The following MFN2 variants were observed in gnomAD, a reference collection of about 807,000 sequenced individuals.
The protein encoded by MFN2 is mitofusin-2.
Under a neutral mutation model 87.5 loss-of-function variants are expected in MFN2, and 43 were observed. The ratio of observed to expected loss-of-function variants is 0.49; its 90% CI spans 0.38 to 0.63. MFN2 has a LOEUF of 0.63. Ranked by LOEUF, MFN2 falls within the 30% of genes least tolerant of loss-of-function variation. The probability of loss-of-function intolerance (pLI) is 0.00; values close to 1 mark genes in which losing one functional copy is unlikely to be tolerated. For missense variants in MFN2, 743 were observed against 972.8 expected (o/e 0.76, Z 3.14); for synonymous variants, 337 against 359.9 (o/e 0.94, Z 0.72).
intron 1 of MFN2, chr1:11,981,755 G>C (rs907201300): frequency 6.6e-6 from 1 of 152,318 alleles, no homozygotes; most frequent in African/African-American, 2.4e-5. Context: ...CGCACATGGC[G>C]GAATACGTGT....
intron 17 of MFN2, among the ~76,000 whole-genome samples, chr1:12,008,879 C>G (rs1238099096): frequency 6.6e-6 from 1 of 152,300 alleles, no homozygotes; most frequent in East Asian, 1.9e-4. Flanking sequence ...GAGGTTGTAG[C>G]GAGCTGAGAT....
rs150488282 is a variant in MFN2, at chr1:12,006,021, C to CCT, written c.1716+91_1716+92dup. Reference sequence around the variant, plus strand: ...GGGAACCATTCTAAAACGGGGGTTCCCTAAGGTCAGCAGCTGTGGTGGTGT... The same window carrying CCT: ...GGGAACCATTCTAAAACGGGGGTTCCCTCTAAGGTCAGCAGCTGTGGTGGTGT... On this transcript the variant is annotated intron_variant, in intron 15 of 18. Coordinates refer to ENST00000235329, the MANE Select transcript of MFN2 (RefSeq NM_014874.4). 9.1e-3 allele frequency: 11,720 copies of CCT among 1,290,612 alleles called. 729 individuals are homozygous for CCT. In the African/African-American group the frequency reaches 0.15, roughly 16 times the overall value. The allele number at this position is 1,290,612 out of a possible 1,614,324, so 79.9% of individuals were successfully genotyped here.
At chr1:12,001,684 T>C in intron 9 of MFN2, 85 bp from the exon 10 acceptor site, 1 of 1,597,892 alleles carries the variant, frequency 6.3e-7, no homozygotes, top group Non-Finnish European at 8.6e-7. Context: ...TCTTGCTCTT[T>C]AGCCAGTGGC....
intron 18 of MFN2, among the ~76,000 whole-genome samples, chr1:12,010,505 C>T (rs556577095): frequency 1.3e-5 from 2 of 152,258 alleles, no homozygotes; most frequent in South Asian, 4.2e-4. Context: ...CTCTTTGGAC[C>T]CATGAAGAGG....
chr1:11,987,560 G>C lies in MFN2; in HGVS notation c.-4-1605G>C, dbSNP rs140837499. Among the ~76,000 whole-genome samples the C allele has an allele frequency of 2.4e-3, 369 of 151,320 alleles. 8 individuals carry two copies. The East Asian group carries it at 0.042, about 17-fold the overall frequency. ...CAGGAGAATAGCTTGAACTCGGGAG[G>C]TGGTGGTTGCAGTGAGCCGAGATCA... On this transcript the variant is annotated intron_variant, in intron 2 of 18. Transcript: ENST00000235329.
At chr1:12,006,940 G>A in intron 16 of MFN2, 113 bp from the exon 17 acceptor site, 2 of 1,413,070 alleles carry the variant, frequency 1.4e-6, no homozygotes, top group Non-Finnish European at 2.0e-6. Context: ...ACTCAGAGTA[G>A]AAACATGAAG....
At chr1:11,996,634 A>G (rs777174919) in intron 5 of MFN2, among the ~76,000 whole-genome samples, 4 of 152,138 alleles carry the variant, frequency 2.6e-5, no homozygotes, top group African/African-American at 7.2e-5. Flanking sequence ...CCAGAGAGGA[A>G]TTCCTGCATT....
rs1639347447 is a variant in MFN2, at chr1:12,004,991, C to T, written c.1495+64C>T. ...GCTGCCCAAAGATCAGATGCGGAGG[C>T]CAAGCTAAAGAAATCAGGACTTTCC... On this transcript the variant is annotated intron_variant, in intron 14 of 18. Coordinates refer to ENST00000235329, the MANE Select transcript of MFN2 (RefSeq NM_014874.4). This position sits in a 1 kb window ranked among gnomAD's most constrained non-coding sequence, Gnocchi z 4.2. The T allele has an allele frequency of 7.7e-7, 1 of 1,304,598 alleles. No individual in the cohort carries two copies. The highest frequency in any genetic ancestry group is 1.1e-6 in the Non-Finnish European group (1 of 919,446). The allele number at this position is 1,304,598 out of a possible 1,614,324, so 80.8% of individuals were successfully genotyped here. A position where few individuals can be genotyped will look rare whatever the true frequency, so the allele number is the denominator to read the frequency against.
intron 5 of MFN2, among the ~76,000 whole-genome samples, chr1:11,996,747 G>A (rs1638924169): frequency 6.6e-6 from 1 of 152,156 alleles, no homozygotes. Flanking sequence ...GCTTCATAAA[G>A]AATCAATTGG....
intron 3 of MFN2, among the ~76,000 whole-genome samples, chr1:11,992,086 A>G (rs540911788): frequency 8.5e-5 from 13 of 152,282 alleles, no homozygotes; most frequent in Non-Finnish European, 1.6e-4. Flanking sequence ...TTGAAAAGTG[A>G]AAGGAACAGT....
Position 11,992,565 on chromosome 1 carries a change from G to A in MFN2, c.186G>A (p.Arg62=). The change falls in exon 4 of 19, where the codon AGG becomes AGA. Residue 62 remains arginine, a synonymous_variant. Transcript: ENST00000235329. ...ESATFLEDTY[R]NAELDPVTTE... is the part of the protein sequence containing the mutation. ...AATCCCCACCTCCAGACACGTACAG[G>A]AATGCAGAACTGGACCCCGTTACCA... 1 of 1,614,194 alleles carries A rather than the reference G, an allele frequency of 6.2e-7. No individual in the cohort carries two copies. The highest frequency in any genetic ancestry group is 1.1e-5 in the South Asian group (1 of 91,084).
intron 4 of MFN2, among the ~76,000 whole-genome samples, chr1:11,993,334 G>A (rs116314548): frequency 0.021 from 3,232 of 151,760 alleles, 113 homozygotes; most frequent in African/African-American, 0.073. Flanking sequence ...TGAAAATTTC[G>A]TAAGACATTA....
At chr1:11,997,960 T>G (rs1638988277) in intron 6 of MFN2, among the ~76,000 whole-genome samples, 1 of 140,628 alleles carries the variant, frequency 7.1e-6, no homozygotes, top group African/African-American at 2.6e-5. Flanking sequence ...CTCGGCTCAC[T>G]GCAACCTCCG....
rs151068604 is a variant in MFN2 at position 12,002,794 on chromosome 1, T to G, written c.1160+691T>G. 9.5e-4 allele frequency among the ~76,000 whole-genome samples: 144 copies of G among 152,372 alleles called. 1 individual carries two copies. Among genetic ancestry groups the G allele is most frequent in the African/African-American group, 3.3e-3 (139 of 41,594 alleles). On this transcript the variant is annotated intron_variant, in intron 11 of 18. Coordinates refer to ENST00000235329, the MANE Select transcript of MFN2 (RefSeq NM_014874.4). ...AAGTTCAGTTCCCTTTTGATTCTTTTGCACTTGTCCCAGTGTCACTCTGCC... is the reference window on the plus strand; with the variant it reads ...AAGTTCAGTTCCCTTTTGATTCTTTGGCACTTGTCCCAGTGTCACTCTGCC...
At chr1:11,997,465 C>A (rs201528186) in intron 6 of MFN2, 44 bp downstream of exon 6, 1 of 1,612,190 alleles carries the variant, frequency 6.2e-7, no homozygotes. Context: ...CTGGAAGGCA[C>A]CAGGTTTCCA....
intron 17 of MFN2, among the ~76,000 whole-genome samples, chr1:12,008,551 C>T (rs1639538317): frequency 6.6e-6 from 1 of 151,782 alleles, no homozygotes; most frequent in Admixed American, 6.6e-5. Context: ...GGCGGAGGGG[C>T]TCCTCACTTC....
chr1:12,001,693 G>A, intron 9 of MFN2, 76 bp from the exon 10 acceptor site: 1 of 1,602,890 alleles, frequency 6.2e-7, no homozygotes, highest in Non-Finnish European at 8.5e-7. Flanking sequence ...TTAGCCAGTG[G>A]CTTGGTTTCT....
At chr1:12,001,352 G>A in intron 8 of MFN2, 49 bp from the exon 9 acceptor site, 1 of 1,608,538 alleles carries the variant, frequency 6.2e-7, no homozygotes, top group Non-Finnish European at 8.5e-7. Flanking sequence ...GCAGGTGGGG[G>A]CTGTGGGGCC....
chr1:12,010,333 G>C (rs182676643), intron 18 of MFN2, among the ~76,000 whole-genome samples: 1 of 152,166 alleles, frequency 6.6e-6, no homozygotes, highest in East Asian at 1.9e-4. Context: ...GGCCTACAGC[G>C]CTTAACATGT....
Sources: gnomAD v4.1 joint callset for allele counts (sites outside exome capture counted in the v4.1 genomes callset) on GRCh38, gnomAD v4.1.1 for gene constraint, Gnocchi (gnomAD v3.1) non-coding constraint, MANE v1.5 for transcripts, NCBI Gene and HGNC (gene_info 2026-07-23, HGNC 2026-07-21) for gene names.